The following CLIC5 variants were observed in gnomAD, a reference collection of about 807,000 sequenced individuals.
CLIC5 encodes chloride intracellular channel protein 5.
CLIC5 carries 20 observed loss-of-function variants against 24.7 expected under a neutral mutation model. That is an observed-to-expected ratio of 0.81 (90% CI 0.57 to 1.18). The LOEUF is 1.18. Ranked by LOEUF, CLIC5 falls within the 50% of genes most tolerant of loss-of-function variation. The pLI is 0.00. For missense variants in CLIC5, 341 were observed against 326.1 expected (o/e 1.05, Z -0.35); for synonymous variants, 159 against 135.6 (o/e 1.17, Z -1.20).
chr6:45,997,120 A>T (rs1766173075), intron 1 of CLIC5, among the ~76,000 whole-genome samples: 1 of 150,952 alleles, frequency 6.6e-6, no homozygotes, highest in Non-Finnish European at 1.5e-5. Flanking sequence ...TCCAACAATG[A>T]TAGACTGGAT....
chr6:45,934,656 G>T (rs560838054), intron 4 of CLIC5, among the ~76,000 whole-genome samples: 31 of 152,336 alleles, frequency 2.0e-4, no homozygotes, highest in Middle Eastern at 3.4e-3. Flanking sequence ...GATGGAAGGT[G>T]GTCAGCGTGA....
At chr6:45,913,744 C>T (rs1335718505) in intron 5 of CLIC5, 1 of 1,222,446 alleles carries the variant, frequency 8.2e-7, no homozygotes, top group African/African-American at 1.6e-5. Flanking sequence ...TCCACCTCTT[C>T]ATTTGATAGA....
chr6:46,086,549 A>C, the CLIC5 span, among the ~76,000 whole-genome samples: 1 of 152,212 alleles, frequency 6.6e-6, no homozygotes, highest in Non-Finnish European at 1.5e-5. Context: ...AGAAGAGGAC[A>C]GTACTGGGCT....
chr6:46,054,563 T>C (rs989546697), intron 1 of CLIC5, among the ~76,000 whole-genome samples: 15 of 152,342 alleles, frequency 9.8e-5, no homozygotes, highest in African/African-American at 3.6e-4. Flanking sequence ...AGACTATTTG[T>C]GTCTCCCCCA....
intron 1 of CLIC5, among the ~76,000 whole-genome samples, chr6:45,984,003 G>A (rs1181981497): frequency 1.3e-5 from 2 of 152,018 alleles, no homozygotes; most frequent in Non-Finnish European, 2.9e-5. Context: ...CACATAGTAG[G>A]GCCTCAGAAA....
chr6:46,063,117 G>C (rs1046585108), intron 1 of CLIC5, among the ~76,000 whole-genome samples: 2 of 152,140 alleles, frequency 1.3e-5, no homozygotes, highest in Admixed American at 6.5e-5. Flanking sequence ...TTGTCAGAAG[G>C]CCAAAATATG....
At chr6:45,974,797 C>A (rs1038156737) in intron 1 of CLIC5, among the ~76,000 whole-genome samples, 3 of 151,986 alleles carry the variant, frequency 2.0e-5, no homozygotes, top group Non-Finnish European at 4.4e-5. Flanking sequence ...ATATATGTAA[C>A]CCCATCCCCA....
intron 1 of CLIC5, among the ~76,000 whole-genome samples, chr6:46,040,666 T>C (rs1036396754): frequency 3.9e-5 from 6 of 152,108 alleles, no homozygotes; most frequent in Non-Finnish European, 5.9e-5. Context: ...TAGCTGATAA[T>C]AGTAATGGTG....
upstream of CLIC5, chr6:46,080,433 A>G (rs574856543): frequency 6.9e-5 from 40 of 583,030 alleles, no homozygotes; most frequent in Admixed American, 2.4e-4. Flanking sequence ...CCACAAGTCC[A>G]TTGGACAGAA....
chr6:46,074,389 G>A (rs1485316413), intron 1 of CLIC5, among the ~76,000 whole-genome samples: 1 of 152,068 alleles, frequency 6.6e-6, no homozygotes, highest in Non-Finnish European at 1.5e-5. Flanking sequence ...TAGTAATTAC[G>A]ACAATTCTGG....
chr6:45,960,532 G>A (rs1018749853), intron 1 of CLIC5, among the ~76,000 whole-genome samples: 2 of 152,090 alleles, frequency 1.3e-5, no homozygotes, highest in Non-Finnish European at 2.9e-5. Context: ...AGCTGTGAGG[G>A]CACGCAGTGG....
At chr6:46,126,816 G>A in the CLIC5 span, among the ~76,000 whole-genome samples, 1 of 152,148 alleles carries the variant, frequency 6.6e-6, no homozygotes, top group Admixed American at 6.5e-5. Flanking sequence ...TGTGGCTTTT[G>A]CTCTGAAACC....
chr6:45,964,734 G>C (rs1045771943), intron 1 of CLIC5, among the ~76,000 whole-genome samples: 2 of 152,186 alleles, frequency 1.3e-5, no homozygotes, highest in Non-Finnish European at 2.9e-5. Flanking sequence ...ATCTAGTGAA[G>C]TAAAATTAGC....
chr6:45,955,039 G>A (rs1328602231), intron 2 of CLIC5, 96 bp downstream of exon 2: 2 of 780,480 alleles, frequency 2.6e-6, no homozygotes, highest in South Asian at 1.6e-5. Context: ...GTGAGCAGGG[G>A]GCTGCTGGGA....
At chr6:45,963,922 T>C (rs973328140) in intron 1 of CLIC5, among the ~76,000 whole-genome samples, 8 of 152,248 alleles carry the variant, frequency 5.3e-5, no homozygotes, top group African/African-American at 1.9e-4. Context: ...CTAGTTGCTA[T>C]GCTCCATTAG....
At chr6:46,077,744 A>C (rs1762809917) in intron 1 of CLIC5, among the ~76,000 whole-genome samples, 1 of 152,206 alleles carries the variant, frequency 6.6e-6, no homozygotes, top group African/African-American at 2.4e-5. Context: ...AATTATGCTA[A>C]AAAGAATGTA....
intron 1 of CLIC5, among the ~76,000 whole-genome samples, chr6:45,955,977 A>C (rs1288043903): frequency 6.6e-6 from 1 of 152,164 alleles, no homozygotes; most frequent in Non-Finnish European, 1.5e-5. Flanking sequence ...TTGAAAATTG[A>C]ATTCCTCCAA....
chr6:46,013,991 T>C (rs1766899720), intron 1 of CLIC5, among the ~76,000 whole-genome samples: 1 of 151,514 alleles, frequency 6.6e-6, no homozygotes, highest in African/African-American at 2.4e-5. Context: ...AGAAATGACC[T>C]CCTTTATTAC....
At chr6:45,953,501 T>C (rs185871451) in intron 2 of CLIC5, among the ~76,000 whole-genome samples, 1 of 152,002 alleles carries the variant, frequency 6.6e-6, no homozygotes, top group Non-Finnish European at 1.5e-5. Flanking sequence ...GAGGATGCAG[T>C]TCTGCCAAGG....
Sources: allele counts gnomAD v4.1 joint callset (sites outside exome capture counted in the v4.1 genomes callset), GRCh38; gene constraint gnomAD v4.1.1; transcripts MANE v1.5; gene names NCBI Gene and HGNC (gene_info 2026-07-23, HGNC 2026-07-21).